Variants in KCNJ15 observed in about 807,000 individuals in gnomAD.
KCNJ15 encodes ATP-sensitive inward rectifier potassium channel 15.
In KCNJ15, 14 loss-of-function variants were observed where a neutral mutation model predicts 23.0. The ratio of observed to expected loss-of-function variants is 0.61; its 90% CI spans 0.40 to 0.95. The LOEUF (loss-of-function observed/expected upper bound fraction) is 0.95, where lower values mean the gene tolerates loss of function less well. Among genes scored for constraint, KCNJ15 ranks in the 40% least tolerant of loss-of-function variants. The pLI is 0.00. For missense variants in KCNJ15, 388 were observed against 461.8 expected (o/e 0.84, Z 1.46); for synonymous variants, 185 against 183.2 (o/e 1.01, Z -0.08).
intron 1 of KCNJ15, among the ~76,000 whole-genome samples, chr21:38,277,247 G>C (rs1317208210): frequency 6.6e-6 from 1 of 152,110 alleles, no homozygotes; most frequent in East Asian, 1.9e-4. Context: ...GAATTGAGGA[G>C]GATTAGGGGA....
intron 1 of KCNJ15, chr21:38,268,926 C>T (rs1168301561): frequency 6.6e-6 from 1 of 152,218 alleles, no homozygotes; most frequent in Non-Finnish European, 1.5e-5. Flanking sequence ...GTCCCTAAGG[C>T]AGCTGGTGAA....
At chr21:38,257,388 C>CA (rs922835198) in intron 1 of KCNJ15, among the ~76,000 whole-genome samples, 24 of 151,676 alleles carry the variant, frequency 1.6e-4, no homozygotes, top group Admixed American at 4.6e-4. Context: ...AATGATGGGA[C>CA]AAAAAAAAGT....
At position 38,281,239 on chromosome 21, in the gene KCNJ15, C is replaced by T. The variant is rs745976363; in HGVS notation, c.-116-15687C>T. 6.6e-4 allele frequency among the ~76,000 whole-genome samples: 100 copies of T among 152,268 alleles called. 1 individual carries two copies. The highest frequency in any genetic ancestry group is 3.4e-3 in the Middle Eastern group (1 of 294). The stretch of plus-strand genomic sequence containing the variant: ...TAGGGACATACATGCACAATATATA[C>T]ATTTTTCGTCTTGCTCTAACAAATT... On this transcript the variant is annotated intron_variant, in intron 1 of 2. Coordinates refer to ENST00000398938, the MANE Select transcript of KCNJ15 (RefSeq NM_170736.3).
chr21:38,252,376 A>G (rs1262153892), upstream of KCNJ15, among the ~76,000 whole-genome samples: 1 of 152,154 alleles, frequency 6.6e-6, no homozygotes, highest in Non-Finnish European at 1.5e-5. Context: ...TTATGGTCCT[A>G]TAACACTTAT....
intron 1 of KCNJ15, among the ~76,000 whole-genome samples, chr21:38,232,497 C>A (rs1435841642): frequency 1.3e-5 from 2 of 151,648 alleles, no homozygotes; most frequent in Admixed American, 1.3e-4. Flanking sequence ...CTTTAGGTTT[C>A]ATTTTCTCTT....
At chr21:38,262,537 A>G (rs1037510622) in intron 1 of KCNJ15, among the ~76,000 whole-genome samples, 6 of 152,218 alleles carry the variant, frequency 3.9e-5, no homozygotes, top group Admixed American at 1.3e-4. Flanking sequence ...ATACAATGGT[A>G]CTGTATTTTG....
At position 38,289,081 on chromosome 21, in the gene KCNJ15, CA is replaced by C. The variant is rs1984297297; in HGVS notation, c.-116-7844del. On this transcript the variant is annotated intron_variant, in intron 1 of 2. Transcript: ENST00000398938. ...GTATGGTGGTGCATGCCTATAATCC[CA>C]GCTCCTCGGGAGGTTGAGGCACGAG... Among the ~76,000 whole-genome samples the C allele has an allele frequency of 4.6e-5, 7 of 151,716 alleles. 1 individual carries two copies. In the South Asian group the frequency reaches 1.5e-3, roughly 32 times the overall value.
At chr21:38,256,244 A>G (rs1215284994), upstream of KCNJ15, among the ~76,000 whole-genome samples, 1 of 151,686 alleles carries the variant, frequency 6.6e-6, no homozygotes. Context: ...AATTCTGACC[A>G]TTTCTCATAA....
rs1490931873 is a variant in KCNJ15 at position 38,306,494 on chromosome 21, G to A, written c.*6105G>A. ...TAAAGAGCTTCCAAGAAGGTGATTG[G>A]AGGGAAGTTCAAAGGGAAGATTTTT... On this transcript the variant is annotated 3_prime_UTR_variant, in exon 3 of 3. Coordinates refer to ENST00000398938, the MANE Select transcript of KCNJ15 (RefSeq NM_170736.3). 6.6e-6 allele frequency: 1 copy of A among 152,190 alleles called. No homozygotes were observed. Among genetic ancestry groups the A allele is most frequent in the Admixed American group, 6.5e-5 (1 of 15,282 alleles). The allele number at this position is 152,190 out of a possible 1,614,324, so 9.4% of individuals were successfully genotyped here.
At chr21:38,274,738 T>A (rs2123658401) in intron 1 of KCNJ15, among the ~76,000 whole-genome samples, 1 of 152,348 alleles carries the variant, frequency 6.6e-6, no homozygotes, top group East Asian at 1.9e-4. Context: ...AATCTTGCCT[T>A]CTTAATTGTC....
rs950863778 is a variant in KCNJ15 at position 38,307,174 on chromosome 21, A to T, written c.*6785A>T. On this transcript the variant is annotated 3_prime_UTR_variant, in exon 3 of 3. Coordinates refer to ENST00000398938, the MANE Select transcript of KCNJ15 (RefSeq NM_170736.3). ...TGGATACTCTGTCATCACTGAACCCAATCATACAATGACCAGACAGCTTTA... is the reference window on the plus strand; with the variant it reads ...TGGATACTCTGTCATCACTGAACCCTATCATACAATGACCAGACAGCTTTA... The T allele has an allele frequency of 6.6e-6, 1 of 152,242 alleles. No individual in the cohort carries two copies. The highest frequency in any genetic ancestry group is 1.5e-5 in the Non-Finnish European group (1 of 68,048). 9.4% of individuals were successfully genotyped at this position (152,242 alleles called of 1,614,324 possible). A position where few individuals can be genotyped will look rare whatever the true frequency, so the allele number is the denominator to read the frequency against.
At chr21:38,238,034 T>C (rs2123547030) in intron 1 of KCNJ15, 1 of 236,546 alleles carries the variant, frequency 4.2e-6, no homozygotes, top group African/African-American at 2.3e-5. Flanking sequence ...TGTAATTTTT[T>C]CCCCACCGTA....
chr21:38,266,795 G>A (rs1981511026), intron 1 of KCNJ15, among the ~76,000 whole-genome samples: 1 of 152,186 alleles, frequency 6.6e-6, no homozygotes. Context: ...AGGAAAGCAG[G>A]GTGCAGAGGT....
intron 1 of KCNJ15, among the ~76,000 whole-genome samples, chr21:38,234,568 A>G (rs1336201189): frequency 6.6e-6 from 1 of 152,230 alleles, no homozygotes; most frequent in Non-Finnish European, 1.5e-5. Context: ...GGAACTTTCC[A>G]AGTTATTAAC....
chr21:38,237,083 A>G (rs1431409280), intron 1 of KCNJ15: 1 of 152,256 alleles, frequency 6.6e-6, no homozygotes, highest in African/African-American at 2.4e-5. Flanking sequence ...AGAGGAAGGG[A>G]AAGGGGCAAT....
At chr21:38,235,280 A>G (rs1027112282) in intron 1 of KCNJ15, among the ~76,000 whole-genome samples, 10 of 151,752 alleles carry the variant, frequency 6.6e-5, no homozygotes, top group Non-Finnish European at 8.8e-5. Context: ...GGGACTGGGC[A>G]TGGTGGCTCA....
chr21:38,285,182 A>G (rs537644094), intron 1 of KCNJ15, among the ~76,000 whole-genome samples: 1 of 152,318 alleles, frequency 6.6e-6, no homozygotes, highest in African/African-American at 2.4e-5. Flanking sequence ...TTGATTTGTG[A>G]AAACTTTATA....
chr21:38,233,870 T>C (rs1259544750), intron 1 of KCNJ15, among the ~76,000 whole-genome samples: 2 of 152,160 alleles, frequency 1.3e-5, no homozygotes, highest in Non-Finnish European at 2.9e-5. Context: ...CCTATATATA[T>C]GTAACGAACC....
At chr21:38,277,027 T>TTGTC (rs1555884050) in intron 1 of KCNJ15, among the ~76,000 whole-genome samples, 1 of 149,842 alleles carries the variant, frequency 6.7e-6, no homozygotes, top group Non-Finnish European at 1.5e-5. Flanking sequence ...GATTAAAAAA[T>TTGTC]TGTGTGTGTG....
Sources: allele counts gnomAD v4.1 joint callset (sites outside exome capture counted in the v4.1 genomes callset), GRCh38; gene constraint gnomAD v4.1.1; transcripts MANE v1.5; gene names NCBI Gene and HGNC (gene_info 2026-07-23, HGNC 2026-07-21).